Variants in PGM2L1 observed in about 807,000 individuals in gnomAD.
PGM2L1 encodes glucose 1,6-bisphosphate synthase.
PGM2L1 carries 35 observed loss-of-function variants against 73.4 expected under a neutral mutation model. The ratio of observed to expected loss-of-function variants is 0.48; its 90% confidence interval spans 0.36 to 0.63. The LOEUF (loss-of-function observed/expected upper bound fraction) is 0.63. Among genes scored for constraint, PGM2L1 ranks in the 30% least tolerant of loss-of-function variants. PGM2L1 has a pLI of 0.00. For synonymous variants in PGM2L1, 225 were observed against 253.8 expected, an observed-to-expected ratio of 0.89 and a Z score of 1.08; for missense variants, 570 against 742.0, an observed-to-expected ratio of 0.77 and a Z score of 2.69.
chr11:74,336,717 T>G lies in PGM2L1; in HGVS notation c.1804A>C (p.Ile602Leu). ...AGAAAATTCTCTATCAGAGCATCAA[T>G]GAGTTTCTTCAGTTCTTCCTCCAGT... ...ALLEEELKKL[I>L]DALIENFLQP... Residue 602 changes from isoleucine (I) to leucine (L), a missense_variant, in exon 14 of 14, where the codon ATT becomes CTT. Coordinates refer to ENST00000298198, the MANE Select transcript of PGM2L1 (RefSeq NM_173582.6). 8.7e-6 allele frequency: 14 copies of G among 1,612,832 alleles called. No homozygotes were observed. The highest frequency in any genetic ancestry group is 1.2e-5 in the Non-Finnish European group (14 of 1,179,188).
intron 6 of PGM2L1, among the ~76,000 whole-genome samples, chr11:74,350,907 GAGAGAGAGAGAA>G (rs1456108906): frequency 7.6e-5 from 11 of 144,750 alleles, no homozygotes; most frequent in African/African-American, 3.1e-4. Flanking sequence ...AAGAGAGAGA[GAGAGAGAGAGAA>G]AGAGAGAGAG....
intron 12 of PGM2L1, among the ~76,000 whole-genome samples, chr11:74,341,800 A>C (rs189248759): frequency 7.4e-4 from 113 of 152,078 alleles, no homozygotes; most frequent in Non-Finnish European, 1.2e-3. Context: ...CTGGCTAGCT[A>C]TATTATAGCT....
At chr11:74,374,061 AAAAAAAAAAAAC>A (rs1202334031) in intron 2 of PGM2L1, among the ~76,000 whole-genome samples, 1 of 148,688 alleles carries the variant, frequency 6.7e-6, no homozygotes, top group Non-Finnish European at 1.5e-5. Context: ...CCAAAAAAAA[AAAAAAAAAAAAC>A]CAGACTGAGA....
intron 1 of PGM2L1, among the ~76,000 whole-genome samples, chr11:74,392,874 CTT>C (rs1863123723): frequency 6.6e-6 from 1 of 152,172 alleles, no homozygotes. Context: ...GGCCTTGAAA[CTT>C]AGTTTATGTT....
chr11:74,379,337 A>C, intron 1 of PGM2L1, among the ~76,000 whole-genome samples: 1 of 152,068 alleles, frequency 6.6e-6, no homozygotes, highest in South Asian at 2.1e-4. Context: ...TCATGAGGGA[A>C]CCACCTCCAT....
At chr11:74,374,342 A>T in intron 2 of PGM2L1, 73 bp downstream of exon 2, 1 of 1,323,326 alleles carries the variant, frequency 7.6e-7, no homozygotes, top group Non-Finnish European at 1.0e-6. Context: ...TCAGCCTCCC[A>T]AACTGCTGGG....
At chr11:74,347,733 C>A (rs1188864758) in intron 6 of PGM2L1, among the ~76,000 whole-genome samples, 1 of 152,204 alleles carries the variant, frequency 6.6e-6, no homozygotes, top group African/African-American at 2.4e-5. Flanking sequence ...TAATTACACT[C>A]ACCTTCTTAT....
intron 8 of PGM2L1, among the ~76,000 whole-genome samples, chr11:74,345,885 A>G (rs1862254003): frequency 1.3e-5 from 2 of 152,178 alleles, no homozygotes. Context: ...CTTTTACTTA[A>G]TGAGAGAAAA....
intron 1 of PGM2L1, among the ~76,000 whole-genome samples, chr11:74,397,012 C>T (rs113019531): frequency 4.3e-4 from 65 of 152,310 alleles, no homozygotes; most frequent in African/African-American, 1.4e-3. Flanking sequence ...AACACGCACT[C>T]AGCATTCAAT....
intron 1 of PGM2L1, 132 bp downstream of exon 1, chr11:74,397,919 C>G: frequency 7.3e-7 from 1 of 1,370,516 alleles, no homozygotes; most frequent in Non-Finnish European, 9.4e-7. Context: ...GGTGGCAACG[C>G]CCTGCTCCGC....
At position 74,355,181 on chromosome 11, in the gene PGM2L1, C is replaced by A. The variant is rs533230961; in HGVS notation, c.556-3605G>T. ...ATGGTGGCAGTGGGGATGGCTATAA[C>A]AGATTTGGTAATGATGGAAGCAATT... On this transcript the variant is annotated intron_variant, in intron 5 of 13. Transcript: ENST00000298198. 1.5e-5 allele frequency: 21 copies of A among 1,428,904 alleles called. 1 individual carries two copies. In the South Asian group the frequency reaches 2.2e-4, roughly 15 times the overall value. The allele number at this position is 1,428,904 out of a possible 1,614,324, so 88.5% of individuals were successfully genotyped here.
intron 12 of PGM2L1, among the ~76,000 whole-genome samples, chr11:74,341,486 G>C (rs867446849): frequency 3.9e-5 from 6 of 152,098 alleles, no homozygotes; most frequent in Non-Finnish European, 8.8e-5. Flanking sequence ...GGGGTCAGGA[G>C]TTCAAGACCA....
intron 9 of PGM2L1, 73 bp downstream of exon 9, chr11:74,345,396 C>A: frequency 8.0e-7 from 1 of 1,252,838 alleles, no homozygotes. Context: ...GAAAGTCAGT[C>A]TTGGTGGGGA....
chr11:74,330,992 C>T lies in PGM2L1; in HGVS notation c.*5660G>A, dbSNP rs746503112. 7.2e-5 allele frequency: 11 copies of T among 152,058 alleles called. No individual in the cohort carries two copies. The highest frequency in any genetic ancestry group is 3.9e-4 in the Admixed American group (6 of 15,274). 9.4% of individuals were successfully genotyped at this position (152,058 alleles called of 1,614,324 possible). On this transcript the variant is annotated 3_prime_UTR_variant, in exon 14 of 14. Transcript: ENST00000298198. Reference sequence around the variant, plus strand: ...TTAGAAAATTCATTTTTTGATTGTTCCTTAAACTATTTGCTACTTTTAAAA... The same window carrying T: ...TTAGAAAATTCATTTTTTGATTGTTTCTTAAACTATTTGCTACTTTTAAAA...
intron 1 of PGM2L1, among the ~76,000 whole-genome samples, chr11:74,381,205 T>G (rs1862937674): frequency 6.6e-6 from 1 of 152,174 alleles, no homozygotes; most frequent in Non-Finnish European, 1.5e-5. Context: ...AAAACAGGAA[T>G]CATGTTCTAC....
rs641271 is a variant in PGM2L1 at position 74,343,301 on chromosome 11, G to T, written c.1312+22C>A. On this transcript the variant is annotated intron_variant, in intron 10 of 13. Transcript: ENST00000298198. ...TAAAAATTATCAATCAAATTTTGAA[G>T]ATTTTAATATTTACTACATACCAAT... 0.63 allele frequency: 976,994 copies of T among 1,540,430 alleles called. 312,498 individuals carry two copies. The highest frequency in any genetic ancestry group is 0.76 in the East Asian group (32,158 of 42,444).
chr11:74,373,684 G>A (rs634608), intron 2 of PGM2L1, among the ~76,000 whole-genome samples: 103,863 of 152,042 alleles, frequency 0.68, 35,643 homozygotes, highest in East Asian at 0.8. Context: ...ATATGTGATA[G>A]AGGAAAATAT....
Position 74,343,680 on chromosome 11 carries a change from T to C in PGM2L1, c.1219-264A>G, listed in dbSNP as rs1410160785. On this transcript the variant is annotated intron_variant, in intron 9 of 13. Coordinates refer to ENST00000298198, the MANE Select transcript of PGM2L1 (RefSeq NM_173582.6). Reference sequence around the variant, plus strand: ...ACCAGCATTTATAAGTGGTGCTTCATGTAGTCACAAAGTAACATGAATAAG... The same window carrying C: ...ACCAGCATTTATAAGTGGTGCTTCACGTAGTCACAAAGTAACATGAATAAG... 4.6e-5 allele frequency among the ~76,000 whole-genome samples: 7 copies of C among 151,978 alleles called. No homozygotes were observed. In the East Asian group the frequency reaches 1.4e-3, roughly 29 times the overall value.
At chr11:74,337,260 C>T (rs1280533043) in intron 13 of PGM2L1, among the ~76,000 whole-genome samples, 1 of 152,246 alleles carries the variant, frequency 6.6e-6, no homozygotes, top group Non-Finnish European at 1.5e-5. Flanking sequence ...CAGAACATTT[C>T]GAGGCAAGCC....
Sources: gnomAD v4.1 joint callset for allele counts (sites outside exome capture counted in the v4.1 genomes callset) on GRCh38, gnomAD v4.1.1 for gene constraint, MANE v1.5 for transcripts, NCBI Gene and HGNC (gene_info 2026-07-23, HGNC 2026-07-21) for gene names.